DMD: variants seen among roughly 807,000 people sequenced by gnomAD.
DMD encodes the protein dystrophin.
DMD carries 63 observed loss-of-function variants against 330.1 expected under a neutral mutation model. The ratio of observed to expected loss-of-function variants is 0.19; its 90% CI spans 0.16 to 0.24. DMD has a LOEUF of 0.24. Ranked by LOEUF, DMD falls within the 10% of genes least tolerant of loss-of-function variation. DMD has a pLI of 1.00. For synonymous variants in DMD, 1,223 were observed against 959.8 expected (o/e 1.27, Z -5.07); for missense variants, 3,344 against 2,684.1 (o/e 1.25, Z -5.43).
chrX:32,695,836 G>A (rs747237425), intron 9 of DMD, among the ~76,000 whole-genome samples: 1 of 111,802 alleles, frequency 8.9e-6, no homozygotes, highest in Non-Finnish European at 1.9e-5. Flanking sequence ...AGTTTCATAA[G>A]CTAAAGAAGT....
At chrX:32,083,824 C>G (rs778286501) in intron 44 of DMD, among the ~76,000 whole-genome samples, 38 of 112,698 alleles carry the variant, frequency 3.4e-4, no homozygotes, top group Non-Finnish European at 5.1e-4. Context: ...CTCTTCTGTT[C>G]TAGCCTGCTC....
intron 44 of DMD, among the ~76,000 whole-genome samples, chrX:32,171,593 C>G (rs2096887901): frequency 9.0e-6 from 1 of 111,389 alleles, no homozygotes; most frequent in South Asian, 3.8e-4. Context: ...TGAAATCACA[C>G]TAAGAATTCT....
chrX:32,086,265 T>A, intron 44 of DMD, among the ~76,000 whole-genome samples: 1 of 112,100 alleles, frequency 8.9e-6, no homozygotes, highest in East Asian at 2.8e-4. Context: ...TTGAGGCATA[T>A]ACTTGTGATA....
At chrX:31,643,383 A>C (rs2079892781) in intron 54 of DMD, among the ~76,000 whole-genome samples, 1 of 111,696 alleles carries the variant, frequency 9.0e-6, no homozygotes, top group Non-Finnish European at 1.9e-5. Context: ...GCACTTTTTT[A>C]AAACTTTTCA....
At chrX:31,781,758 G>T (rs2091022920) in intron 50 of DMD, among the ~76,000 whole-genome samples, 1 of 111,409 alleles carries the variant, frequency 9.0e-6, no homozygotes, top group East Asian at 2.8e-4. Flanking sequence ...GCTGTCCTGT[G>T]CATTGTAGGA....
At chrX:31,869,131 A>G (rs770041236) in intron 48 of DMD, among the ~76,000 whole-genome samples, 12 of 111,892 alleles carry the variant, frequency 1.1e-4, no homozygotes, top group African/African-American at 3.9e-4. Flanking sequence ...TATGCTGTAC[A>G]GTATATCTCT....
chrX:31,732,496 G>C (rs909435793), intron 51 of DMD, among the ~76,000 whole-genome samples: 9 of 111,398 alleles, frequency 8.1e-5, no homozygotes, highest in South Asian at 7.5e-4. Context: ...TGAGAGTAAC[G>C]ATTATTTTTC....
At chrX:32,392,833 C>G (rs1307346702) in intron 30 of DMD, among the ~76,000 whole-genome samples, 2 of 112,587 alleles carry the variant, frequency 1.8e-5, no homozygotes, top group Non-Finnish European at 3.7e-5. Flanking sequence ...TCTGAGAAAG[C>G]TAAGTAACAT....
chrX:31,702,210 T>C (rs2083861563), intron 52 of DMD, among the ~76,000 whole-genome samples: 1 of 112,245 alleles, frequency 8.9e-6, no homozygotes, highest in Non-Finnish European at 1.9e-5. Context: ...TTGATCTTTT[T>C]GTTTTCACTT....
intron 57 of DMD, among the ~76,000 whole-genome samples, chrX:31,483,285 A>C (rs910050082): frequency 4.9e-4 from 54 of 110,120 alleles, no homozygotes; most frequent in Non-Finnish European, 4.3e-4. Flanking sequence ...CAACCTCGTG[A>C]TCTGCCCGCC....
intron 9 of DMD, among the ~76,000 whole-genome samples, chrX:32,653,313 C>A (rs2060306512): frequency 8.9e-6 from 1 of 111,805 alleles, no homozygotes; most frequent in Admixed American, 9.5e-5. Context: ...AGTCTTTGAT[C>A]CATCTTGAAT....
chrX:31,511,770 T>A (rs1488167269), intron 55 of DMD, among the ~76,000 whole-genome samples: 1 of 106,403 alleles, frequency 9.4e-6, no homozygotes, highest in African/African-American at 3.5e-5. Flanking sequence ...TCTTTGCTAT[T>A]GTGAATAGTG....
chrX:31,393,499 A>C (rs934277201), intron 60 of DMD, among the ~76,000 whole-genome samples: 1 of 98,266 alleles, frequency 1.0e-5, no homozygotes, highest in East Asian at 2.8e-4. Context: ...AAACAAAAAA[A>C]AAAAACAAAC....
rs763967760 is a variant in DMD, at chrX:31,226,576, C to G, written c.9287-3455G>C. On this transcript the variant is annotated intron_variant, in intron 63 of 78. Coordinates refer to ENST00000357033, the MANE Select transcript of DMD (RefSeq NM_004006.3). ...GATCTAGTTGAGTCCCTTTAATTGT[C>G]CTTCTCTCTCTCTCCCCTAAAAGAT... 2.7e-5 allele frequency among the ~76,000 whole-genome samples: 3 copies of G among 111,518 alleles called. No homozygotes were observed. The South Asian group carries it at 1.1e-3, about 43-fold the overall frequency.
intron 7 of DMD, among the ~76,000 whole-genome samples, chrX:32,768,181 T>C (rs2073211610): frequency 8.9e-6 from 1 of 111,998 alleles, no homozygotes; most frequent in African/African-American, 3.2e-5. Context: ...AAAATGAATA[T>C]GCTATCTTGC....
intron 12 of DMD, among the ~76,000 whole-genome samples, chrX:32,596,875 G>GT: frequency 9.0e-6 from 1 of 110,827 alleles, no homozygotes; most frequent in South Asian, 3.8e-4. Context: ...TCCTTTACTC[G>GT]TTTTTTCCCT....
chrX:32,168,220 G>C (rs1444389837), intron 44 of DMD, among the ~76,000 whole-genome samples: 2 of 111,447 alleles, frequency 1.8e-5, no homozygotes, highest in Non-Finnish European at 3.8e-5. Flanking sequence ...CCATTCCTGT[G>C]CAAGATGCCT....
chrX:31,182,044 T>C (rs2041215184), intron 68 of DMD, among the ~76,000 whole-genome samples: 1 of 112,714 alleles, frequency 8.9e-6, no homozygotes, highest in Non-Finnish European at 1.9e-5. Context: ...TTTTCCATGA[T>C]ATTTTAAGAC....
intron 18 of DMD, among the ~76,000 whole-genome samples, chrX:32,503,431 T>G (rs944181528): frequency 8.9e-6 from 1 of 112,259 alleles, no homozygotes; most frequent in Non-Finnish European, 1.9e-5. Context: ...GAAAAAGTAA[T>G]CATCTAGACA....
Sources: allele counts gnomAD v4.1 joint callset (sites outside exome capture counted in the v4.1 genomes callset), GRCh38; gene constraint gnomAD v4.1.1; transcripts MANE v1.5; gene names NCBI Gene and HGNC (gene_info 2026-07-23, HGNC 2026-07-21).